Variants in OXR1 observed in about 807,000 individuals in gnomAD.
OXR1 encodes the protein oxidation resistance 1, also known as oxidation resistance protein 1.
In OXR1, 41 loss-of-function variants were observed where a neutral mutation model predicts 104.6. The observed-to-expected ratio is 0.39, with a 90% CI of 0.31 to 0.51. The LOEUF (loss-of-function observed/expected upper bound fraction) is 0.51, where lower values mean the gene tolerates loss of function less well. Among genes scored for constraint, OXR1 ranks in the 20% least tolerant of loss-of-function variants. OXR1 has a pLI of 0.77. For synonymous variants in OXR1, 348 were observed against 348.4 expected, an observed-to-expected ratio of 1.00 and a Z score of 0.01; for missense variants, 955 against 1,031.9, an observed-to-expected ratio of 0.93 and a Z score of 1.02.
chr8:106,637,493 T>C (rs1823239240), intron 3 of OXR1, among the ~76,000 whole-genome samples: 1 of 152,170 alleles, frequency 6.6e-6, no homozygotes, highest in South Asian at 2.1e-4. Context: ...TTACAGATAG[T>C]TCAAAGGGGA....
At chr8:106,553,753 T>A (rs376024265) in intron 3 of OXR1, among the ~76,000 whole-genome samples, 48 of 152,314 alleles carry the variant, frequency 3.2e-4, no homozygotes, top group African/African-American at 1.1e-3. Context: ...ACTTCACTTC[T>A]TGCCTCCAGT....
chr8:106,367,358 C>A (rs115521624), intron 2 of OXR1, among the ~76,000 whole-genome samples: 1 of 151,868 alleles, frequency 6.6e-6, no homozygotes, highest in Admixed American at 6.6e-5. Context: ...CCACCACGCC[C>A]GATCTATGTT....
intron 10 of OXR1, among the ~76,000 whole-genome samples, chr8:106,712,254 A>C (rs1831773665): frequency 6.6e-6 from 1 of 152,106 alleles, no homozygotes; most frequent in Non-Finnish European, 1.5e-5. Flanking sequence ...ACTCCATTGA[A>C]AACTCCTTCA....
chr8:106,625,907 T>TG (rs1282179774), intron 3 of OXR1, among the ~76,000 whole-genome samples: 1 of 152,092 alleles, frequency 6.6e-6, no homozygotes, highest in African/African-American at 2.4e-5. Flanking sequence ...GGAATTTCAG[T>TG]TATATTTAAT....
At chr8:106,371,471 T>G (rs1816704939) in intron 2 of OXR1, among the ~76,000 whole-genome samples, 1 of 152,158 alleles carries the variant, frequency 6.6e-6, no homozygotes, top group Admixed American at 6.5e-5. Context: ...CTCTAGCTCT[T>G]TGAATTGTGA....
At chr8:106,695,199 GTC>G (rs1829885923) in intron 7 of OXR1, among the ~76,000 whole-genome samples, 1 of 150,976 alleles carries the variant, frequency 6.6e-6, no homozygotes. Flanking sequence ...TAAGGGTAAA[GTC>G]TATTATATTT....
At chr8:106,373,468 G>A (rs1816788848) in intron 2 of OXR1, among the ~76,000 whole-genome samples, 1 of 152,158 alleles carries the variant, frequency 6.6e-6, no homozygotes, top group African/African-American at 2.4e-5. Flanking sequence ...GAGAATGTTG[G>A]CATAAAATTA....
At position 106,729,044 on chromosome 8, in the gene OXR1, A is replaced by G. The variant is rs530653800; in HGVS notation, c.1957-8476A>G. ...AGGAAGAGCTAATTTAAATGTAAAA[A>G]TCTTTCCAGTGACTTCAGCCTGAGA... On this transcript the variant is annotated intron_variant, in intron 11 of 16. Transcript: ENST00000517566. 3.9e-5 allele frequency among the ~76,000 whole-genome samples: 6 copies of G among 152,324 alleles called. No homozygotes were observed. The South Asian group carries it at 6.2e-4, about 16-fold the overall frequency.
rs570821585 is a variant in OXR1 at position 106,308,376 on chromosome 8, C to A, written c.-139+38009C>A. On this transcript the variant is annotated intron_variant, in intron 1 of 16. Coordinates refer to ENST00000517566, the MANE Select transcript of OXR1 (RefSeq NM_001198533.2). Reference sequence around the variant, plus strand: ...AAGTGATCTTCTTTACTCAATCTGCCGATTCAAATGTTAATCTTTTCCAGA... The same window carrying A: ...AAGTGATCTTCTTTACTCAATCTGCAGATTCAAATGTTAATCTTTTCCAGA... Among the ~76,000 whole-genome samples, 6 of 152,176 alleles carry A rather than the reference C, an allele frequency of 3.9e-5. No individual in the cohort carries two copies. The South Asian group carries it at 1.2e-3, about 32-fold the overall frequency.
At chr8:106,630,092 G>A (rs1006068559) in intron 3 of OXR1, among the ~76,000 whole-genome samples, 9 of 152,016 alleles carry the variant, frequency 5.9e-5, no homozygotes, top group Non-Finnish European at 8.8e-5. Flanking sequence ...GCTTTCTCTG[G>A]GAGATTGTGG....
At chr8:106,750,617 A>T (rs1350328228) in intron 16 of OXR1, among the ~76,000 whole-genome samples, 189 bp from the exon 17 acceptor site, 1 of 152,120 alleles carries the variant, frequency 6.6e-6, no homozygotes, top group African/African-American at 2.4e-5. Flanking sequence ...GGCATGAGCC[A>T]CCACACCCGG....
rs1441748413 is a variant in OXR1 at position 106,752,276 on chromosome 8, C to CT, written c.*1338dup. The CT allele has an allele frequency of 6.6e-6, 1 of 152,400 alleles. No homozygotes were observed. Among genetic ancestry groups the CT allele is most frequent in the Non-Finnish European group, 1.5e-5 (1 of 67,922 alleles). 9.4% of individuals were successfully genotyped at this position (152,400 alleles called of 1,614,324 possible). ...GTTGATTGCCAGGTTGCTTATAGCA[C>CT]TTTAAGTTATTCTAAAAATGAAATT... On this transcript the variant is annotated 3_prime_UTR_variant, in exon 17 of 17. Coordinates refer to ENST00000517566, the MANE Select transcript of OXR1 (RefSeq NM_001198533.2).
At chr8:106,405,337 G>A (rs1818193942) in intron 2 of OXR1, among the ~76,000 whole-genome samples, 2 of 151,396 alleles carry the variant, frequency 1.3e-5, no homozygotes, top group African/African-American at 2.4e-5. Context: ...AAAGGCCTAA[G>A]AACTAGAGAG....
intron 3 of OXR1, among the ~76,000 whole-genome samples, chr8:106,538,138 G>A (rs1814687222): frequency 6.6e-6 from 1 of 152,224 alleles, no homozygotes; most frequent in Non-Finnish European, 1.5e-5. Context: ...AGTCCATAGT[G>A]GCCATGTAGG....
chr8:106,297,160 T>C (rs1473566994), intron 1 of OXR1, among the ~76,000 whole-genome samples: 2 of 152,210 alleles, frequency 1.3e-5, no homozygotes, highest in African/African-American at 4.8e-5. Context: ...TGATTACTCA[T>C]TCCTTTATAA....
At chr8:106,537,619 C>T (rs1005852408) in intron 3 of OXR1, among the ~76,000 whole-genome samples, 14 of 152,036 alleles carry the variant, frequency 9.2e-5, no homozygotes, top group Admixed American at 1.3e-4. Context: ...GAACATGGCA[C>T]ATGTATACCT....
intron 3 of OXR1, among the ~76,000 whole-genome samples, chr8:106,526,592 G>C (rs569197575): frequency 6.6e-6 from 1 of 152,228 alleles, no homozygotes; most frequent in Admixed American, 6.5e-5. Context: ...GCCCAGGCTG[G>C]AGTGCAGTGG....
At chr8:106,357,575 CA>C (rs149573143) in intron 1 of OXR1, among the ~76,000 whole-genome samples, 9,924 of 152,048 alleles carry the variant, frequency 0.065, 343 homozygotes, top group Non-Finnish European at 0.073. Flanking sequence ...CAACAATTTT[CA>C]GAGTGTGCTT....
At chr8:106,565,850 C>T (rs890475088) in intron 3 of OXR1, among the ~76,000 whole-genome samples, 8 of 152,070 alleles carry the variant, frequency 5.3e-5, no homozygotes, top group Non-Finnish European at 1.2e-4. Flanking sequence ...CTTTGAAAAA[C>T]CTGACAAAAA....
Sources: allele counts gnomAD v4.1 joint callset (sites outside exome capture counted in the v4.1 genomes callset), GRCh38; gene constraint gnomAD v4.1.1; transcripts MANE v1.5; gene names NCBI Gene and HGNC (gene_info 2026-07-23, HGNC 2026-07-21).